Variants in PCDHA11 observed in about 807,000 individuals in gnomAD.
PCDHA11 encodes protocadherin alpha 11.
PCDHA11 carries 61 observed loss-of-function variants against 70.3 expected under a neutral mutation model. The observed-to-expected ratio is 0.87, with a 90% CI of 0.71 to 1.07. PCDHA11 has a LOEUF of 1.07. Among genes scored for constraint, PCDHA11 ranks in the 50% least tolerant of loss-of-function variants. The pLI is 0.00. For missense variants in PCDHA11, 1,324 were observed against 1,237.5 expected (o/e 1.07, Z -1.05); for synonymous variants, 633 against 555.1 (o/e 1.14, Z -1.97).
At chr5:140,879,229 T>C (rs1415984062) in intron 1 of PCDHA11, among the ~76,000 whole-genome samples, 2 of 152,102 alleles carry the variant, frequency 1.3e-5, no homozygotes, top group African/African-American at 2.4e-5. Context: ...AAAAGACATA[T>C]ACAAGAGGCA....
At chr5:140,918,226 T>C (rs528915665) in intron 1 of PCDHA11, among the ~76,000 whole-genome samples, 1 of 152,342 alleles carries the variant, frequency 6.6e-6, no homozygotes, top group African/African-American at 2.4e-5. Context: ...ATGCTGATTT[T>C]TGTACATTGA....
chr5:140,978,820 TG>T, intron 1 of PCDHA11, 128 bp from the exon 2 acceptor site: 2 of 1,517,498 alleles, frequency 1.3e-6, no homozygotes, highest in Non-Finnish European at 1.8e-6. Flanking sequence ...GAGTTACACA[TG>T]AAATGGCTCA....
At chr5:140,989,777 A>G (rs1406464822) in intron 3 of PCDHA11, among the ~76,000 whole-genome samples, 2 of 152,230 alleles carry the variant, frequency 1.3e-5, no homozygotes, top group African/African-American at 4.8e-5. Context: ...AGCACTGGCT[A>G]GAGACTAGAG....
intron 1 of PCDHA11, among the ~76,000 whole-genome samples, chr5:140,960,487 GGTTT>G: frequency 6.6e-6 from 1 of 152,236 alleles, no homozygotes; most frequent in South Asian, 2.1e-4. Context: ...CAGAGGTGTA[GGTTT>G]GTTTGTTCCA....
At chr5:140,969,819 A>G (rs2096362307) in intron 1 of PCDHA11, among the ~76,000 whole-genome samples, 1 of 152,168 alleles carries the variant, frequency 6.6e-6, no homozygotes, top group African/African-American at 2.4e-5. Context: ...TATACTCTGG[A>G]CTGTCTACAG....
intron 1 of PCDHA11, chr5:140,882,333 C>T (rs1052199425): frequency 3.8e-5 from 61 of 1,614,102 alleles, no homozygotes; most frequent in Non-Finnish European, 5.0e-5. Flanking sequence ...CTGATCCTCG[C>T]AGCCTGGGAG....
At position 140,969,313 on chromosome 5, in the gene PCDHA11, G is replaced by A. The variant is rs2096317901; in HGVS notation, c.2392-9636G>A. 3.7e-6 allele frequency: 6 copies of A among 1,614,160 alleles called. No homozygotes were observed. In the East Asian group the frequency reaches 8.9e-5, roughly 24 times the overall value. ...GGAACCTGATTATTCTCAAAAATGAGGCTGTTTCTCAAAATGAGGTGAGAC... is the reference window on the plus strand; with the variant it reads ...GGAACCTGATTATTCTCAAAAATGAAGCTGTTTCTCAAAATGAGGTGAGAC... On this transcript the variant is annotated intron_variant, in intron 1 of 3. Coordinates refer to ENST00000398640, the MANE Select transcript of PCDHA11 (RefSeq NM_018902.5).
intron 1 of PCDHA11, among the ~76,000 whole-genome samples, chr5:140,959,259 C>T (rs781794121): frequency 4.6e-5 from 7 of 152,040 alleles, no homozygotes; most frequent in African/African-American, 7.2e-5. Flanking sequence ...TGACTGTAGT[C>T]CCAGCTACCC....
intron 1 of PCDHA11, among the ~76,000 whole-genome samples, chr5:140,953,024 G>A (rs2094834462): frequency 6.6e-6 from 1 of 152,026 alleles, no homozygotes; most frequent in South Asian, 2.1e-4. Context: ...AACATTAAGG[G>A]GGAAATCCAC....
intron 1 of PCDHA11, among the ~76,000 whole-genome samples, chr5:140,887,272 AT>A (rs2061386056): frequency 6.6e-6 from 1 of 151,690 alleles, no homozygotes; most frequent in South Asian, 2.1e-4. Context: ...AATTTTTTGT[AT>A]TTTTAGTAGA....
intron 2 of PCDHA11, among the ~76,000 whole-genome samples, chr5:140,981,011 T>C (rs1363062809): frequency 6.6e-6 from 1 of 152,132 alleles, no homozygotes; most frequent in African/African-American, 2.4e-5. Flanking sequence ...CCAGGAACAC[T>C]TGAAGGCTGT....
At chr5:140,949,694 G>C (rs1447787366) in intron 1 of PCDHA11, among the ~76,000 whole-genome samples, 1 of 151,590 alleles carries the variant, frequency 6.6e-6, no homozygotes, top group Non-Finnish European at 1.5e-5. Context: ...CGTATTGTTG[G>C]ATCTTGCTGT....
At chr5:140,978,907 G>A (rs782602741) in intron 1 of PCDHA11, 42 bp from the exon 2 acceptor site, 3 of 1,613,766 alleles carry the variant, frequency 1.9e-6, no homozygotes, top group South Asian at 2.2e-5. Context: ...GGAGAACATT[G>A]TCTTGTCATT....
At position 140,871,434 on chromosome 5, in the gene PCDHA11, A is replaced by G. The variant is rs781977570; in HGVS notation, c.2331A>G (p.Leu777=). 1.9e-6 allele frequency: 3 copies of G among 1,612,514 alleles called. No homozygotes were observed. Among genetic ancestry groups the G allele is most frequent in the Non-Finnish European group, 2.5e-6 (3 of 1,179,146 alleles). The part of the protein sequence containing the change: ...DLMAFSPSLP[L]GLNKEEEGER... ...TGGCCTTCAGCCCCAGTCTTCCTCT[A>G]GGTCTGAATAAAGAGGAGGAAGGGG... is the stretch of plus-strand genomic sequence containing the variant. The change falls in exon 1 of 4, where the codon CTA becomes CTG. Residue 777 remains leucine (L), a synonymous_variant. Transcript: ENST00000398640.
chr5:140,911,515 T>C (rs2075517327), intron 1 of PCDHA11, among the ~76,000 whole-genome samples: 1 of 152,226 alleles, frequency 6.6e-6, no homozygotes, highest in African/African-American at 2.4e-5. Flanking sequence ...CAGTATCTGC[T>C]TCTGAAGCTA....
At chr5:140,954,453 A>G (rs1489783264) in intron 1 of PCDHA11, among the ~76,000 whole-genome samples, 1 of 152,142 alleles carries the variant, frequency 6.6e-6, no homozygotes, top group East Asian at 1.9e-4. Flanking sequence ...ACTTGTTAAT[A>G]ATTGCCATTC....
intron 1 of PCDHA11, among the ~76,000 whole-genome samples, chr5:140,924,635 C>G (rs2081927697): frequency 6.6e-6 from 1 of 152,108 alleles, no homozygotes; most frequent in Non-Finnish European, 1.5e-5. Context: ...GGGCTCACAC[C>G]TGTAATCCCA....
At chr5:140,975,634 A>G (rs1457671890) in intron 1 of PCDHA11, among the ~76,000 whole-genome samples, 4 of 152,244 alleles carry the variant, frequency 2.6e-5, no homozygotes, top group African/African-American at 9.6e-5. Context: ...TGGTACGAAG[A>G]TAGCATATTA....
chr5:140,893,795 C>T (rs1030354295), intron 1 of PCDHA11, among the ~76,000 whole-genome samples: 34 of 152,002 alleles, frequency 2.2e-4, no homozygotes, highest in African/African-American at 7.7e-4. Context: ...TTAGAATTCC[C>T]TCCTTGTCTT....
Sources: gnomAD v4.1 joint callset for allele counts (sites outside exome capture counted in the v4.1 genomes callset) on GRCh38, gnomAD v4.1.1 for gene constraint, MANE v1.5 for transcripts, NCBI Gene and HGNC (gene_info 2026-07-23, HGNC 2026-07-21) for gene names.